DNAAF4: variants seen among roughly 807,000 people sequenced by gnomAD.
DNAAF4 encodes the protein dynein assembly factor 4, axonemal.
A neutral mutation model predicts 51.8 loss-of-function variants in DNAAF4; 43 were observed. The ratio of observed to expected loss-of-function variants is 0.83; its 90% CI spans 0.65 to 1.07. DNAAF4 has a LOEUF of 1.07. Among genes scored for constraint, DNAAF4 ranks in the 50% least tolerant of loss-of-function variants. The pLI, the probability that DNAAF4 is intolerant of heterozygous loss-of-function variation, is 0.00. For synonymous variants in DNAAF4, 194 were observed against 165.6 expected, an observed-to-expected ratio of 1.17 and a Z score of -1.32; for missense variants, 581 against 493.0, an observed-to-expected ratio of 1.18 and a Z score of -1.69.
chr15:55,433,919 T>TTATA (rs1317574977), intron 8 of DNAAF4, among the ~76,000 whole-genome samples: 494 of 6,534 alleles, frequency 0.076, 23 homozygotes, highest in African/African-American at 0.14. Context: ...TATAATTATA[T>TTATA]ATATTATATT....
chr15:55,482,422 A>C lies in DNAAF4; in HGVS notation c.405+8701T>G, dbSNP rs558597602. Among the ~76,000 whole-genome samples, 44 of 152,284 alleles carry C rather than the reference A, an allele frequency of 2.9e-4. 1 individual carries two copies. The South Asian group carries it at 9.1e-3, about 32-fold the overall frequency. Reference sequence around the variant, plus strand: ...CCAGGCGTGGTGGCTCATGCATGCAATCTCAGCACTTTGGGAGGCCGAGGT... The same window carrying C: ...CCAGGCGTGGTGGCTCATGCATGCACTCTCAGCACTTTGGGAGGCCGAGGT... On this transcript the variant is annotated intron_variant, in intron 4 of 9. Coordinates refer to ENST00000321149, the MANE Select transcript of DNAAF4 (RefSeq NM_130810.4).
intron 5 of DNAAF4, among the ~76,000 whole-genome samples, chr15:55,456,663 C>T (rs1463236037): frequency 2.6e-5 from 4 of 152,140 alleles, no homozygotes; most frequent in Non-Finnish European, 5.9e-5. Flanking sequence ...CTGCAAATGC[C>T]ATGAAACAGC....
chr15:55,447,122 A>G (rs1444015724), intron 6 of DNAAF4, among the ~76,000 whole-genome samples: 8 of 98,898 alleles, frequency 8.1e-5, no homozygotes, highest in African/African-American at 1.6e-4. Context: ...GCGCAGAGGC[A>G]CTCCTCACTT....
At chr15:55,502,691 T>C (rs983224695) in intron 1 of DNAAF4, among the ~76,000 whole-genome samples, 4 of 152,120 alleles carry the variant, frequency 2.6e-5, no homozygotes, top group Admixed American at 2.6e-4. Context: ...AATATCGAAA[T>C]GAAGGCAGAA....
intron 7 of DNAAF4, among the ~76,000 whole-genome samples, chr15:55,437,179 C>G (rs537666263): frequency 1.3e-5 from 2 of 152,128 alleles, no homozygotes; most frequent in Admixed American, 6.6e-5. Context: ...TATTTGTGTA[C>G]GTCTCTCTCC....
chr15:55,429,777 A>G (rs1400830981), downstream of DNAAF4, among the ~76,000 whole-genome samples: 4 of 151,362 alleles, frequency 2.6e-5, no homozygotes, highest in Non-Finnish European at 1.5e-5. Context: ...AGATCGCGCC[A>G]TTGCACTCCA....
intron 5 of DNAAF4, among the ~76,000 whole-genome samples, 173 bp from the exon 6 acceptor site, chr15:55,450,540 G>A (rs2057916289): frequency 6.6e-6 from 1 of 152,180 alleles, no homozygotes; most frequent in Non-Finnish European, 1.5e-5. Context: ...AGCAGCTAAT[G>A]ACCTACCTGC....
At chr15:55,424,876 T>G (rs1443071977) in intron 7 of DNAAF4, among the ~76,000 whole-genome samples, 1 of 149,996 alleles carries the variant, frequency 6.7e-6, no homozygotes, top group Non-Finnish European at 1.5e-5. Context: ...TTGCTTTTTT[T>G]TTGGAGATGG....
intron 1 of DNAAF4, among the ~76,000 whole-genome samples, chr15:55,501,249 G>A (rs1326761749): frequency 6.6e-6 from 1 of 151,400 alleles, no homozygotes; most frequent in Non-Finnish European, 1.5e-5. Context: ...TTTTTAGTAG[G>A]GACGGGGTTT....
chr15:55,479,026 T>A (rs1411586032), intron 4 of DNAAF4, among the ~76,000 whole-genome samples: 3 of 151,914 alleles, frequency 2.0e-5, no homozygotes, highest in African/African-American at 7.3e-5. Context: ...CACCCTTAGT[T>A]AAGGCTACTT....
rs2057511704 is a variant in DNAAF4 at position 55,432,477 on chromosome 15, C to A, written c.1153+20G>T. ...TCAGAGTATAACTTGGGACTTAAAC[C>A]ATTTCTATCAATTCCTTACCTTCTA... On this transcript the variant is annotated intron_variant, in intron 9 of 9. Coordinates refer to ENST00000321149, the MANE Select transcript of DNAAF4 (RefSeq NM_130810.4). 6 of 1,591,306 alleles carry A rather than the reference C, an allele frequency of 3.8e-6. No individual in the cohort carries two copies. The East Asian group carries it at 1.1e-4, about 30-fold the overall frequency.
At chr15:55,439,156 A>G (rs1392587542) in intron 7 of DNAAF4, among the ~76,000 whole-genome samples, 2 of 152,212 alleles carry the variant, frequency 1.3e-5, no homozygotes, top group Non-Finnish European at 2.9e-5. Context: ...ACTGGAGTGC[A>G]GTGGCACAAT....
chr15:55,454,579 T>C (rs749219916), intron 5 of DNAAF4, among the ~76,000 whole-genome samples: 9 of 151,990 alleles, frequency 5.9e-5, no homozygotes, highest in Non-Finnish European at 1.2e-4. Flanking sequence ...GGTTTCACCA[T>C]GTTAGCCAGG....
intron 1 of DNAAF4, among the ~76,000 whole-genome samples, chr15:55,503,726 C>A (rs892225823): frequency 4.6e-5 from 7 of 152,142 alleles, no homozygotes; most frequent in African/African-American, 1.4e-4. Flanking sequence ...ATTCGATAGC[C>A]TTTCATGCTA....
intron 6 of DNAAF4, among the ~76,000 whole-genome samples, chr15:55,444,568 T>C (rs139933385): frequency 2.0e-5 from 3 of 152,338 alleles, no homozygotes; most frequent in African/African-American, 7.2e-5. Context: ...TAGTTTGTTT[T>C]CCAATTCTTT....
chr15:55,435,903 G>A (rs533487859), intron 7 of DNAAF4, among the ~76,000 whole-genome samples: 9 of 152,060 alleles, frequency 5.9e-5, no homozygotes, highest in East Asian at 1.9e-4. Flanking sequence ...ATTCTCCTGC[G>A]TCAGCCTCCT....
At chr15:55,431,540 T>C (rs1163020392) in intron 9 of DNAAF4, among the ~76,000 whole-genome samples, 1 of 151,198 alleles carries the variant, frequency 6.6e-6, no homozygotes, top group Non-Finnish European at 1.5e-5. Context: ...AGTGGCGTGA[T>C]CTTGGCTCAC....
chr15:55,434,912 G>T lies in DNAAF4; in HGVS notation c.1040C>A (p.Ser347Tyr), dbSNP rs2057583396. Residue 347 changes from serine to tyrosine, a missense_variant, in exon 8 of 10, where the codon TCT becomes TAT. Ser to Tyr is a moderately radical substitution (Grantham distance 144). Transcript: ENST00000321149. ...ATACATAGATATCCATACCTTAGAA[G>T]AATCTTCAATAGCCTTGTGTAAGTT... The part of the protein sequence containing the change: ...LKNLHKAIED[S>Y]SKALELLMPP... The T allele has an allele frequency of 6.2e-7, 1 of 1,606,974 alleles. No homozygotes were observed. Among genetic ancestry groups the T allele is most frequent in the African/African-American group, 1.3e-5 (1 of 74,562 alleles).
intron 6 of DNAAF4, among the ~76,000 whole-genome samples, chr15:55,449,647 A>G (rs2057900494): frequency 6.7e-6 from 1 of 150,264 alleles, no homozygotes; most frequent in African/African-American, 2.4e-5. Context: ...CCTGGGCAAC[A>G]AGAGCAAAAA....
Sources: allele counts gnomAD v4.1 joint callset (sites outside exome capture counted in the v4.1 genomes callset), GRCh38; gene constraint gnomAD v4.1.1; transcripts MANE v1.5; gene names NCBI Gene and HGNC (gene_info 2026-07-23, HGNC 2026-07-21).